The following IPCEF1 variants were observed in gnomAD, a reference collection of about 807,000 sequenced individuals.
The protein encoded by IPCEF1 is interactor protein for cytohesin exchange factors 1.
Under a neutral mutation model 50.9 loss-of-function variants are expected in IPCEF1, and 31 were observed. The ratio of observed to expected loss-of-function variants is 0.61; its 90% confidence interval spans 0.46 to 0.82. The LOEUF is 0.82. IPCEF1 is among the 40% of genes least tolerant of loss of function. IPCEF1 has a pLI of 0.00. For missense variants in IPCEF1, 458 were observed against 514.0 expected (o/e 0.89, Z 1.05); for synonymous variants, 181 against 192.0 (o/e 0.94, Z 0.47).
chr6:154,253,927 AGG>A (rs1781398484), intron 3 of IPCEF1, among the ~76,000 whole-genome samples: 1 of 152,008 alleles, frequency 6.6e-6, no homozygotes, highest in African/African-American at 2.4e-5. Context: ...CAGCTCCTAG[AGG>A]TGATGTATAT....
At chr6:154,310,842 C>A (rs1395359546) in intron 1 of IPCEF1, among the ~76,000 whole-genome samples, 1 of 150,432 alleles carries the variant, frequency 6.6e-6, no homozygotes, top group Admixed American at 6.6e-5. Context: ...TTACTAGGGG[C>A]TGGGGATGGT....
intron 1 of IPCEF1, among the ~76,000 whole-genome samples, chr6:154,313,072 A>AAAAAAC (rs1783122237): frequency 1.3e-5 from 2 of 148,738 alleles, no homozygotes; most frequent in Non-Finnish European, 3.0e-5. Context: ...TGTCTCAAAA[A>AAAAAAC]AAAAAAAAAA....
In IPCEF1 at chr6:154,258,754, T is replaced by C. The variant is rs535214840; in HGVS notation, c.36+7158A>G. On this transcript the variant is annotated intron_variant, in intron 3 of 11. Coordinates refer to ENST00000367220, the MANE Select transcript of IPCEF1 (RefSeq NM_001130700.2). ...GACTCCCCGTCTACAGTCTAGATCCTCAAAACCCATTCAACACACCACTGA... is the reference window on the plus strand; with the variant it reads ...GACTCCCCGTCTACAGTCTAGATCCCCAAAACCCATTCAACACACCACTGA... Among the ~76,000 whole-genome samples, 4 of 152,288 alleles carry C rather than the reference T, an allele frequency of 2.6e-5. No homozygotes were observed. The South Asian group carries it at 8.3e-4, about 32-fold the overall frequency.
At chr6:154,200,178 GAT>G (rs772820697) in intron 9 of IPCEF1, 138 bp from the exon 10 acceptor site, 11 of 754,408 alleles carry the variant, frequency 1.5e-5, no homozygotes, top group Non-Finnish European at 2.3e-5. Context: ...AAAAGGTAAA[GAT>G]ATGATATTTA....
In IPCEF1 at chr6:154,158,271, G is replaced by A. The variant is rs1160788891; in HGVS notation, c.*1557C>T. The A allele has an allele frequency of 6.6e-6, 1 of 152,160 alleles. No homozygotes were observed. Among genetic ancestry groups the A allele is most frequent in the East Asian group, 1.9e-4 (1 of 5,196 alleles). The allele number at this position is 152,160 out of a possible 1,614,324, so 9.4% of individuals were successfully genotyped here. On this transcript the variant is annotated 3_prime_UTR_variant, in exon 12 of 12. Coordinates refer to ENST00000367220, the MANE Select transcript of IPCEF1 (RefSeq NM_001130700.2). ...GTGAACAATTTGTTACGGGTAGGCA[G>A]GGCCAACATGGGTACTTGGTGGGTT...
chr6:154,261,077 G>A (rs1239125342), intron 3 of IPCEF1, among the ~76,000 whole-genome samples: 1 of 152,042 alleles, frequency 6.6e-6, no homozygotes, highest in Non-Finnish European at 1.5e-5. Context: ...ACAGGGTCTT[G>A]CTCTGTAGCC....
At chr6:154,347,043 T>G (rs554244989) in intron 1 of IPCEF1, among the ~76,000 whole-genome samples, 1 of 152,290 alleles carries the variant, frequency 6.6e-6, no homozygotes, top group African/African-American at 2.4e-5. Context: ...TCTTTGGGAA[T>G]GAGATTTTCC....
chr6:154,355,347 G>A (rs1293685612), intron 1 of IPCEF1, among the ~76,000 whole-genome samples: 5 of 152,142 alleles, frequency 3.3e-5, no homozygotes, highest in African/African-American at 1.2e-4. Context: ...TTTATAAAAA[G>A]AGGAATGGAA....
chr6:154,318,831 T>C (rs1371309031), intron 1 of IPCEF1, among the ~76,000 whole-genome samples: 2 of 152,100 alleles, frequency 1.3e-5, no homozygotes, highest in Non-Finnish European at 2.9e-5. Flanking sequence ...GCTAATTTCA[T>C]CATCTGGAAC....
At chr6:154,355,150 A>T (rs1246511167) in intron 1 of IPCEF1, among the ~76,000 whole-genome samples, 2 of 152,196 alleles carry the variant, frequency 1.3e-5, no homozygotes, top group Non-Finnish European at 2.9e-5. Flanking sequence ...TGAGCTGTTC[A>T]AAAGGATGCA....
At chr6:154,331,574 G>A (rs969692561) in intron 1 of IPCEF1, among the ~76,000 whole-genome samples, 1 of 152,112 alleles carries the variant, frequency 6.6e-6, no homozygotes, top group African/African-American at 2.4e-5. Flanking sequence ...CAGTACCAAG[G>A]AAAGGCAGTA....
chr6:154,211,167 A>G (rs2128604555), intron 9 of IPCEF1, among the ~76,000 whole-genome samples: 1 of 152,300 alleles, frequency 6.6e-6, no homozygotes, highest in African/African-American at 2.4e-5. Context: ...TTGTAATCCC[A>G]GCACTTTGGG....
rs533029839 is a variant in IPCEF1, at chr6:154,260,533, C to T, written c.36+5379G>A. Among the ~76,000 whole-genome samples, 12 of 149,500 alleles carry T rather than the reference C, an allele frequency of 8.0e-5. No individual in the cohort carries two copies. In the South Asian group the frequency reaches 1.1e-3, roughly 13 times the overall value. ...TATCCCCCAGGCTAGAGTGCAGTGGCGCCATCTCAGCTCACTGCAACCTCC... is the reference window on the plus strand; with the variant it reads ...TATCCCCCAGGCTAGAGTGCAGTGGTGCCATCTCAGCTCACTGCAACCTCC... On this transcript the variant is annotated intron_variant, in intron 3 of 11. Coordinates refer to ENST00000367220, the MANE Select transcript of IPCEF1 (RefSeq NM_001130700.2).
chr6:154,209,548 G>A (rs534131346), intron 9 of IPCEF1, among the ~76,000 whole-genome samples: 15 of 151,740 alleles, frequency 9.9e-5, no homozygotes, highest in South Asian at 6.2e-4. Flanking sequence ...TCGGGGGGCC[G>A]AGGTGGGAGG....
At chr6:154,247,028 G>C in intron 4 of IPCEF1, 1 of 430,044 alleles carries the variant, frequency 2.3e-6, no homozygotes, top group Non-Finnish European at 4.1e-6. Context: ...AAACAGCGCA[G>C]CAGGAGTAAT....
Position 154,160,817 on chromosome 6 carries a change from C to T in IPCEF1, c.1105-777G>A, listed in dbSNP as rs532574824. Among the ~76,000 whole-genome samples the T allele has an allele frequency of 5.9e-5, 9 of 152,310 alleles. 1 individual carries two copies. The South Asian group carries it at 1.9e-3, about 32-fold the overall frequency. On this transcript the variant is annotated intron_variant, in intron 11 of 11. Coordinates refer to ENST00000367220, the MANE Select transcript of IPCEF1 (RefSeq NM_001130700.2). ...GTTTTCTCCATCCCATGACCATAAT[C>T]CTAAGGTTGGATATCCAGTTCAATA...
chr6:154,169,420 T>A (rs140717459), intron 10 of IPCEF1, among the ~76,000 whole-genome samples: 1 of 152,260 alleles, frequency 6.6e-6, no homozygotes, highest in Non-Finnish European at 1.5e-5. Flanking sequence ...GGGGGAGTGA[T>A]TCATCCTGAG....
At chr6:154,351,493 C>T (rs920991874) in intron 1 of IPCEF1, among the ~76,000 whole-genome samples, 3 of 152,196 alleles carry the variant, frequency 2.0e-5, no homozygotes, top group Non-Finnish European at 4.4e-5. Context: ...TCCACTATCT[C>T]TTCACTAAGG....
intron 1 of IPCEF1, among the ~76,000 whole-genome samples, chr6:154,320,165 A>G (rs1354497121): frequency 1.3e-5 from 2 of 152,360 alleles, no homozygotes; most frequent in Admixed American, 1.3e-4. Context: ...AAAGAATGAA[A>G]ACAAAACCCC....
Sources: gnomAD v4.1 joint callset for allele counts (sites outside exome capture counted in the v4.1 genomes callset) on GRCh38, gnomAD v4.1.1 for gene constraint, MANE v1.5 for transcripts, NCBI Gene and HGNC (gene_info 2026-07-23, HGNC 2026-07-21) for gene names.